MAP2K1: variants seen among roughly 807,000 people sequenced by gnomAD.
MAP2K1 encodes the protein dual specificity mitogen-activated protein kinase kinase 1.
In MAP2K1, 16 loss-of-function variants were observed where a neutral mutation model predicts 46.3. The observed-to-expected ratio is 0.35, with a 90% CI of 0.23 to 0.52. The LOEUF is 0.52. Ranked by LOEUF, MAP2K1 falls within the 20% of genes least tolerant of loss-of-function variation. The pLI, the probability that MAP2K1 is intolerant of heterozygous loss-of-function variation, is 0.94. For missense variants in MAP2K1, 263 were observed against 497.1 expected, an observed-to-expected ratio of 0.53 and a Z score of 4.48; for synonymous variants, 183 against 185.6, an observed-to-expected ratio of 0.99 and a Z score of 0.11.
At position 66,393,896 on chromosome 15, in the gene MAP2K1, G is replaced by T. The variant is rs112298911; in HGVS notation, c.80+6469G>T. Among the ~76,000 whole-genome samples the T allele has an allele frequency of 4.0e-3, 609 of 152,248 alleles. 4 individuals are homozygous for T. The highest frequency in any genetic ancestry group is 0.01 in the Middle Eastern group (3 of 294). ...TTCACAGAGGCCATCTTTGATCACT[G>T]TAATACAGAACTCCCTGTCATTTTC... is the stretch of plus-strand genomic sequence containing the variant. On this transcript the variant is annotated intron_variant, in intron 1 of 10. Transcript: ENST00000307102.
intron 1 of MAP2K1, among the ~76,000 whole-genome samples, chr15:66,420,979 A>ACATACATATAT: frequency 9.3e-6 from 1 of 108,054 alleles, no homozygotes; most frequent in Non-Finnish European, 2.1e-5. Flanking sequence ...ACACATACAT[A>ACATACATATAT]CACACACATA....
intron 1 of MAP2K1, among the ~76,000 whole-genome samples, chr15:66,409,870 C>A (rs759711394): frequency 6.6e-6 from 1 of 152,158 alleles, no homozygotes. Context: ...GAATTTTTTT[C>A]TGTATATTTT....
chr15:66,484,479 G>A (rs945313722), intron 6 of MAP2K1, among the ~76,000 whole-genome samples: 1 of 152,178 alleles, frequency 6.6e-6, no homozygotes, highest in African/African-American at 2.4e-5. Context: ...AGATGAGGCT[G>A]ATATTCAGGA....
At chr15:66,441,651 G>A (rs1197507135) in intron 3 of MAP2K1, among the ~76,000 whole-genome samples, 1 of 151,240 alleles carries the variant, frequency 6.6e-6, no homozygotes, top group Non-Finnish European at 1.5e-5. Context: ...TCCCTGCCTT[G>A]TTTCAGAGGA....
At chr15:66,484,854 A>G (rs895225898) in intron 6 of MAP2K1, 136 bp from the exon 7 acceptor site, 6 of 814,978 alleles carry the variant, frequency 7.4e-6, no homozygotes, top group Non-Finnish European at 1.1e-5. Flanking sequence ...GGTAGGCAGG[A>G]GGCCAAATTC....
intron 9 of MAP2K1, 44 bp downstream of exon 9, chr15:66,489,320 G>T: frequency 6.4e-7 from 1 of 1,559,692 alleles, no homozygotes; most frequent in Non-Finnish European, 8.8e-7. Context: ...CTCTGGATTT[G>T]TCAGGCTCCC....
chr15:66,430,400 G>A (rs2093472374), intron 1 of MAP2K1, among the ~76,000 whole-genome samples: 1 of 152,220 alleles, frequency 6.6e-6, no homozygotes, highest in South Asian at 2.1e-4. Context: ...AGGCAAGGCT[G>A]CCATCGAGGC....
In MAP2K1 at chr15:66,431,221, T is replaced by TA. The variant is rs1218391187; in HGVS notation, c.81-3805dup. On this transcript the variant is annotated intron_variant, in intron 1 of 10. Coordinates refer to ENST00000307102, the MANE Select transcript of MAP2K1 (RefSeq NM_002755.4). ...AGACAGGTTCATGCCCTCTGAGTTTTAGAGATTGGTGATATAGTCGTTGGG... is the reference window on the plus strand; with the variant it reads ...AGACAGGTTCATGCCCTCTGAGTTTTAAGAGATTGGTGATATAGTCGTTGGG... 9.2e-5 allele frequency among the ~76,000 whole-genome samples: 14 copies of TA among 152,342 alleles called. No individual in the cohort carries two copies. The East Asian group carries it at 2.3e-3, about 25-fold the overall frequency.
rs142235889 is a variant in MAP2K1 at position 66,388,725 on chromosome 15, A to G, written c.80+1298A>G. On this transcript the variant is annotated intron_variant, in intron 1 of 10. Transcript: ENST00000307102. The stretch of plus-strand genomic sequence containing the variant: ...ACCTGTTGGCTTGATGACTTGTTCC[A>G]TCCCTGTAATGATCACAAGGTCGAT... Among the ~76,000 whole-genome samples, 915 of 151,704 alleles carry G rather than the reference A, an allele frequency of 6.0e-3. 9 individuals are homozygous for G. Among genetic ancestry groups the G allele is most frequent in the Non-Finnish European group, 9.8e-3 (667 of 67,906 alleles).
chr15:66,423,604 A>T (rs1244113419), intron 1 of MAP2K1, among the ~76,000 whole-genome samples: 13 of 113,128 alleles, frequency 1.1e-4, no homozygotes, highest in South Asian at 2.9e-4. Flanking sequence ...TGCCAGGCTA[A>T]TTTTTTTTTT....
chr15:66,387,858 G>A (rs777840340), intron 1 of MAP2K1, among the ~76,000 whole-genome samples: 1 of 152,196 alleles, frequency 6.6e-6, no homozygotes, highest in Non-Finnish European at 1.5e-5. Flanking sequence ...ATTAAGTGTG[G>A]AGCATCATCC....
chr15:66,430,663 T>G (rs1166721062), intron 1 of MAP2K1, among the ~76,000 whole-genome samples: 3 of 152,168 alleles, frequency 2.0e-5, no homozygotes, highest in Admixed American at 1.3e-4. Context: ...GGGCCTCAGT[T>G]TTCTCATCTG....
chr15:66,480,140 G>T (rs914643010), intron 5 of MAP2K1, among the ~76,000 whole-genome samples: 1 of 151,916 alleles, frequency 6.6e-6, no homozygotes, highest in African/African-American at 2.4e-5. Flanking sequence ...CCAGGCTGGA[G>T]TGCAATGGCA....
At chr15:66,473,997 T>C (rs1020501409) in intron 5 of MAP2K1, among the ~76,000 whole-genome samples, 2 of 152,140 alleles carry the variant, frequency 1.3e-5, no homozygotes, top group Admixed American at 6.5e-5. Flanking sequence ...ATTTAGATAA[T>C]TTATTGGAAT....
intron 1 of MAP2K1, among the ~76,000 whole-genome samples, chr15:66,434,319 A>G (rs1567008712): frequency 6.6e-6 from 1 of 152,178 alleles, no homozygotes; most frequent in African/African-American, 2.4e-5. Context: ...TTAACAAATC[A>G]GGAATAGGAA....
intron 8 of MAP2K1, among the ~76,000 whole-genome samples, chr15:66,488,337 T>C (rs1010478489): frequency 6.6e-6 from 1 of 152,200 alleles, no homozygotes; most frequent in African/African-American, 2.4e-5. Context: ...CAGACTGACA[T>C]GGCCCTCAAA....
At chr15:66,464,718 T>C (rs1313448361) in intron 5 of MAP2K1, among the ~76,000 whole-genome samples, 1 of 150,572 alleles carries the variant, frequency 6.6e-6, no homozygotes, top group Non-Finnish European at 1.5e-5. Flanking sequence ...AGAGACAGGG[T>C]TTCTCCATGT....
Position 66,423,604 on chromosome 15 carries a change from A to ATTTT in MAP2K1, c.81-11406_81-11403dup, listed in dbSNP as rs142169839. Among the ~76,000 whole-genome samples the ATTTT allele has an allele frequency of 4.9e-4, 55 of 113,122 alleles. 1 individual carries two copies. Among genetic ancestry groups the ATTTT allele is most frequent in the African/African-American group, 1.6e-3 (44 of 27,602 alleles). The allele number at this position is 113,122 out of a possible 152,430, so 74.2% of individuals were successfully genotyped here. A position where few individuals can be genotyped will look rare whatever the true frequency, so the allele number is the denominator to read the frequency against. ...AGGTGCCTGCCACCATGCCAGGCTA[A>ATTTT]TTTTTTTTTTTTTTTTTTTTGAGAT... On this transcript the variant is annotated intron_variant, in intron 1 of 10. Transcript: ENST00000307102.
chr15:66,481,883 T>G lies in MAP2K1; in HGVS notation c.693+4T>G, dbSNP rs184151283. On this transcript the variant is annotated splice_donor_region_variant and intron_variant, in intron 6 of 10. Transcript: ENST00000307102. Reference sequence around the variant, plus strand: ...GGGCACAAGGTCCTACATGTCGGTATGAACAGAAGTTTCCATTGCTTGAGC... The same window carrying G: ...GGGCACAAGGTCCTACATGTCGGTAGGAACAGAAGTTTCCATTGCTTGAGC... 6 of 1,613,538 alleles carry G rather than the reference T, an allele frequency of 3.7e-6. No individual in the cohort carries two copies. The highest frequency in any genetic ancestry group is 1.7e-4 in the Middle Eastern group (1 of 6,054).
Sources: gnomAD v4.1 joint callset for allele counts (sites outside exome capture counted in the v4.1 genomes callset) on GRCh38, gnomAD v4.1.1 for gene constraint, MANE v1.5 for transcripts, NCBI Gene and HGNC (gene_info 2026-07-23, HGNC 2026-07-21) for gene names.